The following KCNU1 variants were observed in gnomAD, a reference collection of about 807,000 sequenced individuals.
The protein encoded by KCNU1 is potassium calcium-activated channel subfamily U member 1.
Under a neutral mutation model 126.8 loss-of-function variants are expected in KCNU1, and 93 were observed. That is an observed-to-expected ratio of 0.73 (90% CI 0.62 to 0.87). The LOEUF is 0.87. Ranked by LOEUF, KCNU1 falls within the 40% of genes least tolerant of loss-of-function variation. The pLI, the probability that KCNU1 is intolerant of heterozygous loss-of-function variation, is 0.00. For synonymous variants in KCNU1, 523 were observed against 494.2 expected, an observed-to-expected ratio of 1.06 and a Z score of -0.77; for missense variants, 1,330 against 1,367.1, an observed-to-expected ratio of 0.97 and a Z score of 0.43.
At chr8:36,889,277 T>C in intron 19 of KCNU1, 1 of 530,870 alleles carries the variant, frequency 1.9e-6, no homozygotes, top group Non-Finnish European at 3.9e-6. Context: ...TATATGATTT[T>C]TTAAGGAATG....
At chr8:36,897,781 C>T (rs1218140248) in intron 19 of KCNU1, among the ~76,000 whole-genome samples, 2 of 152,090 alleles carry the variant, frequency 1.3e-5, no homozygotes, top group African/African-American at 4.8e-5. Context: ...TGTTAAAGAA[C>T]ACTGTCCATA....
At chr8:36,857,633 T>G (rs1205489295) in intron 18 of KCNU1, among the ~76,000 whole-genome samples, 2 of 64,630 alleles carry the variant, frequency 3.1e-5, no homozygotes, top group Non-Finnish European at 8.5e-5. Flanking sequence ...TTGTTTTTTG[T>G]TTTTTTGTTT....
Position 36,804,994 on chromosome 8 carries a change from G to T in KCNU1, c.378-201G>T, listed in dbSNP as rs560027606. 3.3e-5 allele frequency among the ~76,000 whole-genome samples: 5 copies of T among 152,230 alleles called. No homozygotes were observed. The East Asian group carries it at 7.7e-4, about 24-fold the overall frequency. On this transcript the variant is annotated intron_variant, in intron 3 of 26. Coordinates refer to ENST00000399881, the MANE Select transcript of KCNU1 (RefSeq NM_001031836.3). ...ATGGGTAATTTTCCTCTTATTTCCA[G>T]TGCTATTGGCAGTCCACTGGTTTTG... is the stretch of plus-strand genomic sequence containing the variant.
intron 16 of KCNU1, among the ~76,000 whole-genome samples, chr8:36,844,276 A>C (rs573916796): frequency 6.6e-6 from 1 of 152,080 alleles, no homozygotes; most frequent in East Asian, 1.9e-4. Context: ...GCTACTCGGG[A>C]GGCTGAGGCA....
chr8:36,833,614 C>CA lies in KCNU1; in HGVS notation c.1168dup (p.Ile390AsnfsTer32), dbSNP rs1420509543. 6.2e-7 allele frequency: 1 copy of CA among 1,612,308 alleles called. No homozygotes were observed. Among genetic ancestry groups the CA allele is most frequent in the African/African-American group, 1.3e-5 (1 of 74,846 alleles). On this transcript the variant is annotated frameshift_variant, in exon 11 of 27. Coordinates refer to ENST00000399881, the MANE Select transcript of KCNU1 (RefSeq NM_001031836.3). LOFTEE classifies it high-confidence loss of function. ...AATGCTACTTGGCCTACACAACGTT[C>CA]ATTTCTGGATCTGCAATGAAGTGGG...
chr8:36,847,917 T>C (rs935775417), intron 18 of KCNU1, among the ~76,000 whole-genome samples: 1 of 152,226 alleles, frequency 6.6e-6, no homozygotes, highest in Non-Finnish European at 1.5e-5. Flanking sequence ...TACTAATTCA[T>C]GTTTCTACCA....
chr8:36,812,162 CCGAGGTTGGGAGTT>C (rs1246065650), intron 7 of KCNU1, among the ~76,000 whole-genome samples: 2 of 151,224 alleles, frequency 1.3e-5, no homozygotes, highest in Non-Finnish European at 3.0e-5. Context: ...GGCGGATCTC[CCGAGGTTGGGAGTT>C]CGAGACCAGC....
chr8:36,874,536 G>A (rs1042916351), intron 19 of KCNU1, among the ~76,000 whole-genome samples: 1 of 152,102 alleles, frequency 6.6e-6, no homozygotes, highest in Non-Finnish European at 1.5e-5. Context: ...GTGCCACCAC[G>A]TGCCCTCCCT....
chr8:36,875,254 T>C (rs1331292127), intron 19 of KCNU1, among the ~76,000 whole-genome samples: 1 of 151,430 alleles, frequency 6.6e-6, no homozygotes, highest in Non-Finnish European at 1.5e-5. Context: ...ATTTTGGTGT[T>C]GATACATAAG....
intron 1 of KCNU1, among the ~76,000 whole-genome samples, chr8:36,784,864 G>A (rs1029928183): frequency 6.6e-6 from 1 of 152,050 alleles, no homozygotes; most frequent in Non-Finnish European, 1.5e-5. Flanking sequence ...TGTTAGCTCT[G>A]GAAACAGAGG....
Position 36,817,719 on chromosome 8 carries a change from C to T in KCNU1, c.1065C>T (p.Asp355=). The change falls in exon 10 of 27, where the codon GAC becomes GAT. Residue 355 remains aspartate, a synonymous_variant. Transcript: ENST00000399881. Reference sequence around the variant, plus strand: ...CTTTCCTGAGGAATTTCCTCCGCGACAAGTCAGGAGAGATCAACACTGAAA... The same window carrying T: ...CTTTCCTGAGGAATTTCCTCCGCGATAAGTCAGGAGAGATCAACACTGAAA... ...VTAFLRNFLR[D]KSGEINTEIV... 1 of 1,609,130 alleles carries T rather than the reference C, an allele frequency of 6.2e-7. No homozygotes were observed. The highest frequency in any genetic ancestry group is 8.5e-7 in the Non-Finnish European group (1 of 1,177,042).
In KCNU1 at chr8:36,935,995, G is replaced by C. The variant is rs1808846748; in HGVS notation, c.*75G>C. 3.0e-6 allele frequency: 4 copies of C among 1,344,306 alleles called. No homozygotes were observed. Among genetic ancestry groups the C allele is most frequent in the Non-Finnish European group, 4.0e-6 (4 of 988,124 alleles). The allele number at this position is 1,344,306 out of a possible 1,614,324, so 83.3% of individuals were successfully genotyped here. On this transcript the variant is annotated 3_prime_UTR_variant, in exon 27 of 27. Coordinates refer to ENST00000399881, the MANE Select transcript of KCNU1 (RefSeq NM_001031836.3). Reference sequence around the variant, plus strand: ...TCCTGAGATGCTAACTTTGAACAAAGAAAATAAGAATGGAAGCATGCCATT... The same window carrying C: ...TCCTGAGATGCTAACTTTGAACAAACAAAATAAGAATGGAAGCATGCCATT...
At chr8:36,878,920 T>TTA (rs1806367354) in intron 19 of KCNU1, among the ~76,000 whole-genome samples, 1 of 147,684 alleles carries the variant, frequency 6.8e-6, no homozygotes, top group African/African-American at 2.5e-5. Context: ...AATATATGTT[T>TTA]TATATATATT....
At chr8:36,923,508 C>T (rs1808436245) in intron 24 of KCNU1, among the ~76,000 whole-genome samples, 1 of 152,128 alleles carries the variant, frequency 6.6e-6, no homozygotes, top group African/African-American at 2.4e-5. Flanking sequence ...ACACAGCATT[C>T]AGAAGCAGTG....
chr8:36,873,102 A>C (rs1341249567), intron 19 of KCNU1, among the ~76,000 whole-genome samples: 4 of 152,134 alleles, frequency 2.6e-5, no homozygotes, highest in East Asian at 1.9e-4. Flanking sequence ...AACCAACCAA[A>C]CAAACAAAAA....
At chr8:36,889,236 A>C in intron 19 of KCNU1, 1 of 534,478 alleles carries the variant, frequency 1.9e-6, no homozygotes, top group Non-Finnish European at 3.8e-6. Context: ...TGCTCTGCTG[A>C]ACTACCGTAA....
intron 19 of KCNU1, among the ~76,000 whole-genome samples, chr8:36,890,156 G>C (rs554404442): frequency 6.6e-6 from 1 of 152,012 alleles, no homozygotes; most frequent in Non-Finnish European, 1.5e-5. Flanking sequence ...AATGTCAAAA[G>C]ATGGTAAGAA....
At chr8:36,823,986 C>A (rs1318152618) in intron 10 of KCNU1, among the ~76,000 whole-genome samples, 1 of 151,870 alleles carries the variant, frequency 6.6e-6, no homozygotes. Flanking sequence ...TACAGGCATG[C>A]ACCACCACAC....
intron 19 of KCNU1, among the ~76,000 whole-genome samples, chr8:36,874,485 GTA>G (rs1187155143): frequency 1.3e-5 from 2 of 152,084 alleles, no homozygotes; most frequent in Admixed American, 6.5e-5. Flanking sequence ...CTCAAGGATG[GTA>G]CAGAGTGGCA....
Sources: gnomAD v4.1 joint callset for allele counts (sites outside exome capture counted in the v4.1 genomes callset) on GRCh38, gnomAD v4.1.1 for gene constraint, MANE v1.5 for transcripts, NCBI Gene and HGNC (gene_info 2026-07-23, HGNC 2026-07-21) for gene names.